The following TBC1D16 variants were observed in gnomAD, a reference collection of about 807,000 sequenced individuals.
TBC1D16 encodes CTD-2529O21.1.
TBC1D16 carries 58 observed loss-of-function variants against 74.7 expected under a neutral mutation model. The observed-to-expected ratio is 0.78, with a 90% CI of 0.63 to 0.97. TBC1D16 has a LOEUF of 0.97. TBC1D16 is among the 50% of genes least tolerant of loss of function. The probability of loss-of-function intolerance (pLI) is 0.00; values close to 1 mark genes in which losing one functional copy is unlikely to be tolerated. For synonymous variants in TBC1D16, 493 were observed against 474.7 expected, an observed-to-expected ratio of 1.04 and a Z score of -0.50; for missense variants, 1,014 against 1,079.5, an observed-to-expected ratio of 0.94 and a Z score of 0.85.
chr17:80,034,405 T>C (rs946927177), intron 1 of TBC1D16, among the ~76,000 whole-genome samples: 1 of 152,080 alleles, frequency 6.6e-6, no homozygotes, highest in African/African-American at 2.4e-5. Context: ...TTTCACCATA[T>C]TGGCCAGGCT....
At chr17:80,005,728 G>A (rs947603863) in intron 3 of TBC1D16, among the ~76,000 whole-genome samples, 3 of 152,176 alleles carry the variant, frequency 2.0e-5, no homozygotes, top group Non-Finnish European at 4.4e-5. Flanking sequence ...TTCCAAAGGA[G>A]ACCTCTGGGT....
chr17:80,004,020 A>G (rs2035585947), intron 3 of TBC1D16, among the ~76,000 whole-genome samples: 1 of 152,234 alleles, frequency 6.6e-6, no homozygotes, highest in Non-Finnish European at 1.5e-5. Flanking sequence ...CCGCCACCGT[A>G]TGCCGGCCTG....
intron 3 of TBC1D16, among the ~76,000 whole-genome samples, chr17:79,974,255 T>A (rs2034238883): frequency 6.6e-6 from 1 of 152,334 alleles, no homozygotes; most frequent in Non-Finnish European, 1.5e-5. Flanking sequence ...TTTTCTCTTT[T>A]TTGAGACGGA....
Position 79,997,807 on chromosome 17 carries a change from C to T in TBC1D16, c.779+12353G>A, listed in dbSNP as rs908279470. Among the ~76,000 whole-genome samples the T allele has an allele frequency of 3.3e-5, 5 of 152,270 alleles. No individual in the cohort carries two copies. The South Asian group carries it at 8.3e-4, about 25-fold the overall frequency. On this transcript the variant is annotated intron_variant, in intron 3 of 11. Transcript: ENST00000310924. Reference sequence around the variant, plus strand: ...GTTTCAGAGACACAGTGGCAGGCGTCCATCATTGCAGCCTCACACAGAATA... The same window carrying T: ...GTTTCAGAGACACAGTGGCAGGCGTTCATCATTGCAGCCTCACACAGAATA...
At chr17:79,999,729 A>T (rs994172846) in intron 3 of TBC1D16, among the ~76,000 whole-genome samples, 2 of 151,698 alleles carry the variant, frequency 1.3e-5, no homozygotes, top group Non-Finnish European at 2.9e-5. Flanking sequence ...TTTTTAGTAG[A>T]GACGGGGTTT....
chr17:79,952,550 A>G (rs2033119340), intron 4 of TBC1D16, 107 bp downstream of exon 4: 1 of 1,392,688 alleles, frequency 7.2e-7, no homozygotes, highest in Non-Finnish European at 9.7e-7. Context: ...GACTCCATCC[A>G]GGGCCCTGTG....
intron 1 of TBC1D16, among the ~76,000 whole-genome samples, chr17:80,017,260 C>T (rs958914094): frequency 6.6e-6 from 1 of 152,086 alleles, no homozygotes; most frequent in Non-Finnish European, 1.5e-5. Flanking sequence ...GCAGGAGCAG[C>T]CACAGACAGT....
intron 3 of TBC1D16, among the ~76,000 whole-genome samples, chr17:79,991,742 G>T (rs1392862237): frequency 1.3e-5 from 2 of 151,524 alleles, no homozygotes; most frequent in Non-Finnish European, 3.0e-5. Flanking sequence ...GCGGGGGCGT[G>T]CACCGCAGGC....
chr17:80,032,697 T>G (rs1336586554), intron 1 of TBC1D16, among the ~76,000 whole-genome samples: 2 of 152,212 alleles, frequency 1.3e-5, no homozygotes, highest in Non-Finnish European at 2.9e-5. Flanking sequence ...TGCTCTCTCC[T>G]GTGCACTGGC....
chr17:80,022,450 C>T (rs1278635888), intron 1 of TBC1D16, among the ~76,000 whole-genome samples: 2 of 149,636 alleles, frequency 1.3e-5, no homozygotes, highest in Non-Finnish European at 2.9e-5. Flanking sequence ...GATTCTCCTG[C>T]CTCAGACTCC....
chr17:79,978,203 G>T (rs892385877), intron 3 of TBC1D16, among the ~76,000 whole-genome samples: 2 of 152,208 alleles, frequency 1.3e-5, no homozygotes, highest in African/African-American at 4.8e-5. Flanking sequence ...AGGGCCAAGC[G>T]GGGCGGGGAT....
chr17:79,947,586 G>T, intron 9 of TBC1D16, 59 bp downstream of exon 9: 3 of 1,578,156 alleles, frequency 1.9e-6, no homozygotes, highest in South Asian at 1.1e-5. Context: ...CGGCTACAAC[G>T]GGAGAGGCAA....
At chr17:80,019,200 T>A (rs549805435) in intron 1 of TBC1D16, among the ~76,000 whole-genome samples, 12 of 150,300 alleles carry the variant, frequency 8.0e-5, no homozygotes, top group Admixed American at 5.2e-4. Context: ...CTGGAAGCTT[T>A]AAAGGAGATT....
chr17:79,969,349 G>A (rs2033978242), intron 3 of TBC1D16, among the ~76,000 whole-genome samples: 1 of 152,134 alleles, frequency 6.6e-6, no homozygotes, highest in East Asian at 1.9e-4. Context: ...CTGCACCACT[G>A]CACTACTGCC....
rs547550791 is a variant in TBC1D16 at position 79,975,814 on chromosome 17, T to C, written c.780-22996A>G. Among the ~76,000 whole-genome samples, 21 of 152,288 alleles carry C rather than the reference T, an allele frequency of 1.4e-4. No homozygotes were observed. The highest frequency in any genetic ancestry group is 4.8e-4 in the African/African-American group (20 of 41,552). ...TGCGTCTGCCCACACCTGCAGAGCA[T>C]GAGCCCCACTTTGGAATGACGGGGT... is the stretch of plus-strand genomic sequence containing the variant. On this transcript the variant is annotated intron_variant, in intron 3 of 11. Coordinates refer to ENST00000310924, the MANE Select transcript of TBC1D16 (RefSeq NM_019020.4). The surrounding 1 kb of genome is among the most constrained non-coding windows in gnomAD (Gnocchi z 4.5).
In TBC1D16 at chr17:80,020,791, T is replaced by C. The variant is rs146067099; in HGVS notation, c.-62-7182A>G. Among the ~76,000 whole-genome samples, 64 of 150,106 alleles carry C rather than the reference T, an allele frequency of 4.3e-4. 5 individuals carry two copies. In the East Asian group the frequency reaches 0.011, roughly 25 times the overall value. ...AGGATAAACTGGACCCCAACTCGTA[T>C]TGCCCAGTGGGTTCCCCGAAATGTA... On this transcript the variant is annotated intron_variant, in intron 1 of 11. Transcript: ENST00000310924.
At chr17:79,949,042 G>A (rs1376196882) in intron 7 of TBC1D16, 36 bp from the exon 8 acceptor site, 2 of 1,612,818 alleles carry the variant, frequency 1.2e-6, no homozygotes, top group African/African-American at 2.7e-5. Context: ...GGGTCAGCGG[G>A]TGGCACCCAG....
rs1216017574 is a variant in TBC1D16, at chr17:79,971,171, C to T, written c.780-18353G>A. ...CTGAGTAGCTGGGATTACAGGCGTGCACCACCAAGCCCGGCTAATTTGTGT... is the reference window on the plus strand; with the variant it reads ...CTGAGTAGCTGGGATTACAGGCGTGTACCACCAAGCCCGGCTAATTTGTGT... On this transcript the variant is annotated intron_variant, in intron 3 of 11. Transcript: ENST00000310924. The surrounding 1 kb of genome is among the most constrained non-coding windows in gnomAD (Gnocchi z 4.6). Among the ~76,000 whole-genome samples, 1 of 151,992 alleles carries T rather than the reference C, an allele frequency of 6.6e-6. No individual in the cohort carries two copies. Among genetic ancestry groups the T allele is most frequent in the Non-Finnish European group, 1.5e-5 (1 of 68,008 alleles).
Position 79,988,109 on chromosome 17 carries a change from T to C in TBC1D16, c.779+22051A>G, listed in dbSNP as rs2034913941. ...AAGTTCTTCTCTGTGAAAGCGTGTG[T>C]GTGTTTAGAAGGGAGAGGGGGATGA... On this transcript the variant is annotated intron_variant, in intron 3 of 11. Transcript: ENST00000310924. This position sits in a 1 kb window ranked among gnomAD's most constrained non-coding sequence, Gnocchi z 5.7. 6.6e-6 allele frequency among the ~76,000 whole-genome samples: 1 copy of C among 152,120 alleles called. No homozygotes were observed. Among genetic ancestry groups the C allele is most frequent in the Non-Finnish European group, 1.5e-5 (1 of 68,024 alleles).
Sources: gnomAD v4.1 joint callset for allele counts (sites outside exome capture counted in the v4.1 genomes callset) on GRCh38, gnomAD v4.1.1 for gene constraint, Gnocchi (gnomAD v3.1) non-coding constraint, MANE v1.5 for transcripts, NCBI Gene and HGNC (gene_info 2026-07-23, HGNC 2026-07-21) for gene names.